ATP5PF: variants seen among roughly 807,000 people sequenced by gnomAD.
ATP5PF encodes the protein ATP synthase peripheral stalk subunit F6, mitochondrial.
A neutral mutation model predicts 12.0 loss-of-function variants in ATP5PF; 7 were observed. That is an observed-to-expected ratio of 0.58 (90% CI 0.33 to 1.10). ATP5PF has a LOEUF of 1.10. Among genes scored for constraint, ATP5PF ranks in the 50% least tolerant of loss-of-function variants. ATP5PF has a pLI of 0.03. For synonymous variants in ATP5PF, 41 were observed against 45.4 expected (o/e 0.90, Z 0.39); for missense variants, 120 against 127.7 (o/e 0.94, Z 0.29).
At chr21:25,725,071 C>T in intron 3 of ATP5PF, 155 bp downstream of exon 3, 1 of 983,774 alleles carries the variant, frequency 1.0e-6, no homozygotes, top group East Asian at 2.6e-5. Context: ...CTTATTCTAA[C>T]AGCAAACATT....
At chr21:25,726,808 T>C (rs1297830573) in intron 2 of ATP5PF, among the ~76,000 whole-genome samples, 1 of 152,206 alleles carries the variant, frequency 6.6e-6, no homozygotes, top group Non-Finnish European at 1.5e-5. Flanking sequence ...TGTAAAAAAA[T>C]GTACACATGA....
chr21:25,730,992 C>T (rs2034759360), intron 1 of ATP5PF, among the ~76,000 whole-genome samples: 2 of 151,982 alleles, frequency 1.3e-5, no homozygotes, highest in South Asian at 4.2e-4. Flanking sequence ...TGTGTGTAAT[C>T]CCAGCACTTC....
intron 1 of ATP5PF, among the ~76,000 whole-genome samples, chr21:25,731,753 A>G (rs1040122605): frequency 2.0e-5 from 3 of 152,036 alleles, no homozygotes; most frequent in Admixed American, 1.3e-4. Flanking sequence ...AAGTATACAA[A>G]CTATGTTATT....
At chr21:25,733,759 T>A (rs2034886223) in intron 1 of ATP5PF, among the ~76,000 whole-genome samples, 1 of 152,216 alleles carries the variant, frequency 6.6e-6, no homozygotes, top group South Asian at 2.1e-4. Flanking sequence ...AGTTAAAGTG[T>A]TCTTATCCCT....
upstream of ATP5PF, chr21:25,735,527 C>G (rs1206437383): frequency 2.0e-5 from 3 of 153,648 alleles, no homozygotes; most frequent in African/African-American, 7.2e-5. Context: ...CGCTGCCGTT[C>G]TCAGCCGGCT....
In ATP5PF at chr21:25,729,995, G is replaced by C. The variant is rs1203523121; in HGVS notation, c.-7-194C>G. ...TTTAGGTCTTAACCAAAAGGCTCTG[G>C]GATAATGGAACAGTTAGAAACTCAG... is the stretch of plus-strand genomic sequence containing the variant. On this transcript the variant is annotated intron_variant, in intron 1 of 3. Coordinates refer to ENST00000284971, the MANE Select transcript of ATP5PF (RefSeq NM_001003703.2). 2.0e-5 allele frequency among the ~76,000 whole-genome samples: 3 copies of C among 152,088 alleles called. No individual in the cohort carries two copies. The East Asian group carries it at 5.8e-4, about 29-fold the overall frequency.
intron 1 of ATP5PF, among the ~76,000 whole-genome samples, chr21:25,733,226 A>T (rs974865722): frequency 1.3e-5 from 2 of 152,052 alleles, no homozygotes. Context: ...GAAACTGAGG[A>T]TTAGAAGTAT....
At chr21:25,734,608 C>G in intron 1 of ATP5PF, 1 of 435,612 alleles carries the variant, frequency 2.3e-6, no homozygotes, top group Non-Finnish European at 3.8e-6. Context: ...CCCGGGCCTC[C>G]CTGCCCCCCG....
At chr21:25,726,890 G>A (rs1468613260) in intron 2 of ATP5PF, among the ~76,000 whole-genome samples, 1 of 152,116 alleles carries the variant, frequency 6.6e-6, no homozygotes, top group African/African-American at 2.4e-5. Flanking sequence ...TTAAGTTAAA[G>A]AACATGCACA....
At chr21:25,733,198 C>T (rs909374761) in intron 1 of ATP5PF, among the ~76,000 whole-genome samples, 11 of 151,978 alleles carry the variant, frequency 7.2e-5, no homozygotes, top group Admixed American at 6.5e-4. Flanking sequence ...TATTATCATT[C>T]CTATGTTTAA....
At chr21:25,731,516 A>T (rs1048849201) in intron 1 of ATP5PF, among the ~76,000 whole-genome samples, 5 of 151,168 alleles carry the variant, frequency 3.3e-5, no homozygotes, top group Non-Finnish European at 7.4e-5. Context: ...TCCCAAGTAG[A>T]TGGGAGCACA....
At chr21:25,733,482 G>A (rs180926817) in intron 1 of ATP5PF, among the ~76,000 whole-genome samples, 1 of 152,130 alleles carries the variant, frequency 6.6e-6, no homozygotes, top group African/African-American at 2.4e-5. Context: ...AGCAGAGATC[G>A]TGCCACTGCA....
At chr21:25,725,010 T>G (rs2034578435) in intron 3 of ATP5PF, 2 of 655,466 alleles carry the variant, frequency 3.1e-6, no homozygotes, top group African/African-American at 1.9e-5. Flanking sequence ...GGCAGTTCGA[T>G]TTCAGATCCC....
chr21:25,728,221 C>G (rs1388366885), intron 2 of ATP5PF, among the ~76,000 whole-genome samples: 2 of 152,062 alleles, frequency 1.3e-5, no homozygotes, highest in Non-Finnish European at 2.9e-5. Context: ...TAAAATTATC[C>G]TCCTAATTCA....
At chr21:25,735,174 C>G, upstream of ATP5PF, 1 of 609,840 alleles carries the variant, frequency 1.6e-6, no homozygotes, top group South Asian at 1.9e-5. Flanking sequence ...TACGCATGCG[C>G]TCTTTGAGTG....
chr21:25,725,407 A>C, intron 2 of ATP5PF, 57 bp from the exon 3 acceptor site: 1 of 1,483,606 alleles, frequency 6.7e-7, no homozygotes, highest in Non-Finnish European at 8.9e-7. Context: ...ACAAAAACAA[A>C]ATTACTTTTC....
chr21:25,725,755 G>A (rs1294267007), intron 2 of ATP5PF, among the ~76,000 whole-genome samples: 2 of 152,118 alleles, frequency 1.3e-5, no homozygotes, highest in Non-Finnish European at 2.9e-5. Flanking sequence ...CCTTTTTAAA[G>A]CATTCATGTA....
chr21:25,728,358 T>C lies in ATP5PF; in HGVS notation c.164+1273A>G, dbSNP rs139222160. On this transcript the variant is annotated intron_variant, in intron 2 of 3. Coordinates refer to ENST00000284971, the MANE Select transcript of ATP5PF (RefSeq NM_001003703.2). ...AATCCCTCATTCTAACCCCATACCATCCTTATACTCTTCATATACCCTATA... is the reference window on the plus strand; with the variant it reads ...AATCCCTCATTCTAACCCCATACCACCCTTATACTCTTCATATACCCTATA... 4.7e-3 allele frequency among the ~76,000 whole-genome samples: 715 copies of C among 152,234 alleles called. 22 individuals carry two copies. Among genetic ancestry groups the C allele is most frequent in the Admixed American group, 0.04 (618 of 15,280 alleles).
chr21:25,733,583 C>T (rs1356766296), intron 1 of ATP5PF, among the ~76,000 whole-genome samples: 1 of 146,794 alleles, frequency 6.8e-6, no homozygotes. Flanking sequence ...CACATATATG[C>T]AAAAAAAAAA....
Sources: allele counts gnomAD v4.1 joint callset (sites outside exome capture counted in the v4.1 genomes callset), GRCh38; gene constraint gnomAD v4.1.1; transcripts MANE v1.5; gene names NCBI Gene and HGNC (gene_info 2026-07-23, HGNC 2026-07-21).